The following DPYD variants were observed in gnomAD, a reference collection of about 807,000 sequenced individuals.
The protein encoded by DPYD is dihydropyrimidine dehydrogenase [NADP(+)].
Under a neutral mutation model 116.2 loss-of-function variants are expected in DPYD, and 109 were observed. The ratio of observed to expected loss-of-function variants is 0.94; its 90% CI spans 0.80 to 1.10. The LOEUF (loss-of-function observed/expected upper bound fraction) is 1.10, where lower values mean the gene tolerates loss of function less well. Among genes scored for constraint, DPYD ranks in the 50% least tolerant of loss-of-function variants. The probability of loss-of-function intolerance (pLI) is 0.00; values close to 1 mark genes in which losing one functional copy is unlikely to be tolerated. For synonymous variants in DPYD, 440 were observed against 432.0 expected (o/e 1.02, Z -0.23); for missense variants, 1,302 against 1,254.5 (o/e 1.04, Z -0.57).
intron 22 of DPYD, among the ~76,000 whole-genome samples, chr1:97,079,549 CA>C (rs142861208): frequency 0.022 from 3,348 of 152,184 alleles, 45 homozygotes; most frequent in Middle Eastern, 0.034. Flanking sequence ...TTGTTCTTGA[CA>C]GTGGAAAAGT....
chr1:97,157,430 T>A (rs964802769), intron 20 of DPYD, among the ~76,000 whole-genome samples: 8 of 152,262 alleles, frequency 5.3e-5, no homozygotes, highest in Admixed American at 3.3e-4. Context: ...TTGGGAAGAC[T>A]TATCTACTTA....
At chr1:97,707,738 T>C (rs1014384213) in intron 5 of DPYD, among the ~76,000 whole-genome samples, 4 of 151,984 alleles carry the variant, frequency 2.6e-5, no homozygotes, top group Non-Finnish European at 5.9e-5. Context: ...TTGTTTCATG[T>C]TGCATTTCCC....
chr1:97,912,571 T>TC, intron 1 of DPYD, among the ~76,000 whole-genome samples: 1 of 152,244 alleles, frequency 6.6e-6, no homozygotes, highest in East Asian at 1.9e-4. Context: ...GTGGGATGAC[T>TC]ATGTATCTTT....
intron 20 of DPYD, among the ~76,000 whole-genome samples, chr1:97,173,216 A>G (rs1210162853): frequency 7.3e-6 from 1 of 136,082 alleles, no homozygotes; most frequent in South Asian, 2.4e-4. Context: ...ATATATACAC[A>G]TATACGTACA....
intron 7 of DPYD, among the ~76,000 whole-genome samples, chr1:97,690,238 A>G (rs890082395): frequency 2.6e-5 from 4 of 152,040 alleles, no homozygotes; most frequent in African/African-American, 9.6e-5. Context: ...TGACAAAATT[A>G]AAAAGTGGCA....
At chr1:97,807,705 T>G (rs544630058) in intron 3 of DPYD, among the ~76,000 whole-genome samples, 1 of 152,262 alleles carries the variant, frequency 6.6e-6, no homozygotes, top group Admixed American at 6.5e-5. Context: ...ATCTAAAATG[T>G]TATCACCAAA....
At chr1:97,440,973 T>C (rs1244041426) in intron 14 of DPYD, among the ~76,000 whole-genome samples, 3 of 152,218 alleles carry the variant, frequency 2.0e-5, no homozygotes, top group Non-Finnish European at 4.4e-5. Flanking sequence ...TTAATATTCG[T>C]CCTTTTCTTT....
intron 1 of DPYD, among the ~76,000 whole-genome samples, chr1:97,907,390 C>T (rs1324005061): frequency 2.0e-5 from 3 of 152,056 alleles, no homozygotes; most frequent in African/African-American, 4.8e-5. Context: ...TAACAGCTTA[C>T]ATTTGCATTT....
chr1:97,901,526 C>T (rs1222704950), intron 1 of DPYD, among the ~76,000 whole-genome samples: 3 of 151,770 alleles, frequency 2.0e-5, no homozygotes, highest in African/African-American at 7.3e-5. Flanking sequence ...GACTTGATAA[C>T]AATGAGTATA....
At chr1:97,652,001 C>A (rs991664038) in intron 8 of DPYD, among the ~76,000 whole-genome samples, 1 of 150,972 alleles carries the variant, frequency 6.6e-6, no homozygotes, top group East Asian at 1.9e-4. Context: ...AAGTGAGAGA[C>A]AACTGTAAAA....
chr1:97,789,353 GAC>G (rs1192433025), intron 3 of DPYD, among the ~76,000 whole-genome samples: 1 of 152,102 alleles, frequency 6.6e-6, no homozygotes, highest in Admixed American at 6.5e-5. Flanking sequence ...CTTTATATGA[GAC>G]ACAGTTTAAT....
chr1:97,177,778 G>T (rs1657393167), intron 20 of DPYD, among the ~76,000 whole-genome samples: 1 of 152,072 alleles, frequency 6.6e-6, no homozygotes, highest in Non-Finnish European at 1.5e-5. Flanking sequence ...GGCTGTCTTA[G>T]TCTGTTCAGG....
intron 4 of DPYD, among the ~76,000 whole-genome samples, chr1:97,735,632 G>A (rs1663888311): frequency 1.3e-5 from 2 of 151,018 alleles, no homozygotes; most frequent in African/African-American, 4.8e-5. Flanking sequence ...AGCTTGCAGT[G>A]CGCAGAGATT....
At chr1:97,401,892 C>A (rs1208360588) in intron 14 of DPYD, among the ~76,000 whole-genome samples, 2 of 152,104 alleles carry the variant, frequency 1.3e-5, no homozygotes, top group Non-Finnish European at 2.9e-5. Flanking sequence ...TATGTATTCT[C>A]CACTGAAGTG....
chr1:97,671,811 A>G (rs1019333381), intron 8 of DPYD, among the ~76,000 whole-genome samples: 14 of 152,178 alleles, frequency 9.2e-5, no homozygotes, highest in South Asian at 2.1e-4. Context: ...ACCAAAAATG[A>G]CAAAAGGAAA....
At chr1:97,776,720 A>T (rs1032023526) in intron 3 of DPYD, among the ~76,000 whole-genome samples, 1 of 152,208 alleles carries the variant, frequency 6.6e-6, no homozygotes, top group Non-Finnish European at 1.5e-5. Context: ...TTCTCCAGGC[A>T]GAGGCAGAGT....
chr1:97,624,772 T>C (rs1164442601), intron 8 of DPYD, among the ~76,000 whole-genome samples: 1 of 152,068 alleles, frequency 6.6e-6, no homozygotes, highest in African/African-American at 2.4e-5. Flanking sequence ...TATGAAATAC[T>C]ATTCGGACTT....
chr1:97,604,416 C>T (rs1655454885), intron 8 of DPYD, among the ~76,000 whole-genome samples: 2 of 152,036 alleles, frequency 1.3e-5, no homozygotes, highest in Admixed American at 1.3e-4. Flanking sequence ...ATTTGTCGTG[C>T]TACCATATAA....
intron 16 of DPYD, among the ~76,000 whole-genome samples, chr1:97,350,306 T>C (rs1670077574): frequency 6.6e-6 from 1 of 152,186 alleles, no homozygotes; most frequent in African/African-American, 2.4e-5. Context: ...TAAACAGTTT[T>C]CTAATCTGAA....
Sources: gnomAD v4.1 joint callset for allele counts (sites outside exome capture counted in the v4.1 genomes callset) on GRCh38, gnomAD v4.1.1 for gene constraint, MANE v1.5 for transcripts, NCBI Gene and HGNC (gene_info 2026-07-23, HGNC 2026-07-21) for gene names.